Variants in ARHGEF28 observed in about 807,000 individuals in gnomAD.
The protein encoded by ARHGEF28 is Rho guanine nucleotide exchange factor 28.
A neutral mutation model predicts 206.6 loss-of-function variants in ARHGEF28; 152 were observed. The observed-to-expected ratio is 0.74, with a 90% CI of 0.64 to 0.84. The LOEUF is 0.84. Among genes scored for constraint, ARHGEF28 ranks in the 40% least tolerant of loss-of-function variants. ARHGEF28 has a pLI of 0.00. For missense variants in ARHGEF28, 2,028 were observed against 2,073.2 expected (o/e 0.98, Z 0.42); for synonymous variants, 763 against 776.4 (o/e 0.98, Z 0.29).
At chr5:73,739,200 A>G (rs1375249552) in intron 2 of ARHGEF28, among the ~76,000 whole-genome samples, 1 of 152,202 alleles carries the variant, frequency 6.6e-6, no homozygotes, top group Non-Finnish European at 1.5e-5. Context: ...ATTATTATAA[A>G]TGTGTTCTTT....
chr5:73,673,029 G>A (rs1703302125), intron 1 of ARHGEF28, among the ~76,000 whole-genome samples: 1 of 152,134 alleles, frequency 6.6e-6, no homozygotes. Flanking sequence ...TCCCCACTGA[G>A]TTTACCAAAT....
chr5:73,917,406 C>T (rs1015739138), intron 35 of ARHGEF28, among the ~76,000 whole-genome samples: 3 of 152,230 alleles, frequency 2.0e-5, no homozygotes, highest in African/African-American at 7.2e-5. Context: ...TCATCTTTCT[C>T]ATCGACAAGT....
chr5:73,743,617 T>G (rs919594468), intron 2 of ARHGEF28, among the ~76,000 whole-genome samples: 1 of 152,228 alleles, frequency 6.6e-6, no homozygotes, highest in South Asian at 2.1e-4. Context: ...AATCTTGATA[T>G]TTCAAATTAT....
At chr5:73,684,745 C>G in intron 1 of ARHGEF28, 96 bp from the exon 2 acceptor site, 1 of 996,716 alleles carries the variant, frequency 1.0e-6, no homozygotes, top group Admixed American at 2.7e-5. Context: ...AATGAGTTTG[C>G]TTCTCCCTCC....
At chr5:73,890,383 A>G (rs1761553005) in intron 26 of ARHGEF28, among the ~76,000 whole-genome samples, 1 of 152,208 alleles carries the variant, frequency 6.6e-6, no homozygotes, top group Admixed American at 6.5e-5. Context: ...TGAGGAAGCT[A>G]TAAAGTACAT....
At chr5:73,788,109 A>G (rs1204247421) in intron 7 of ARHGEF28, among the ~76,000 whole-genome samples, 1 of 151,818 alleles carries the variant, frequency 6.6e-6, no homozygotes, top group Non-Finnish European at 1.5e-5. Flanking sequence ...GCTGAGTCAG[A>G]TAAGCAGCCT....
At chr5:73,809,001 C>T (rs1341390096) in intron 9 of ARHGEF28, among the ~76,000 whole-genome samples, 1 of 152,122 alleles carries the variant, frequency 6.6e-6, no homozygotes, top group Non-Finnish European at 1.5e-5. Context: ...CCTGTAATCC[C>T]AGCACTTTGG....
intron 16 of ARHGEF28, among the ~76,000 whole-genome samples, chr5:73,860,055 A>T (rs72772533): frequency 6.6e-6 from 1 of 152,248 alleles, no homozygotes; most frequent in South Asian, 2.1e-4. Context: ...CCAGGTCGAC[A>T]TCTCTCCTTT....
intron 1 of ARHGEF28, among the ~76,000 whole-genome samples, chr5:73,667,743 C>G (rs1462190946): frequency 3.3e-5 from 5 of 152,146 alleles, no homozygotes; most frequent in African/African-American, 4.8e-5. Flanking sequence ...ATTGCCTTCT[C>G]TCATTTTATT....
intron 1 of ARHGEF28, among the ~76,000 whole-genome samples, chr5:73,665,800 G>A (rs1037211561): frequency 6.6e-6 from 1 of 152,070 alleles, no homozygotes; most frequent in African/African-American, 2.4e-5. Flanking sequence ...CTGTTGCATT[G>A]GGGATTAAGT....
rs10079540 is a variant in ARHGEF28, at chr5:73,860,468, C to T, written c.2047+2249C>T. Among the ~76,000 whole-genome samples the T allele has an allele frequency of 2.2e-3, 336 of 152,252 alleles. 2 individuals carry two copies. The highest frequency in any genetic ancestry group is 0.016 in the South Asian group (77 of 4,822). On this transcript the variant is annotated intron_variant, in intron 16 of 35. Transcript: ENST00000513042. Reference sequence around the variant, plus strand: ...CGAAACCCAGTGTGTCTAAAACCGACCTCAAAGTCCACGCCCAGCAGGACA... The same window carrying T: ...CGAAACCCAGTGTGTCTAAAACCGATCTCAAAGTCCACGCCCAGCAGGACA...
intron 35 of ARHGEF28, chr5:73,922,962 T>G (rs1763598812): frequency 1.2e-6 from 1 of 858,428 alleles, no homozygotes; most frequent in Non-Finnish European, 1.8e-6. Context: ...AATACCAAGT[T>G]TTGCAAATGC....
At chr5:73,805,607 G>T (rs1330994530) in intron 9 of ARHGEF28, among the ~76,000 whole-genome samples, 1 of 152,182 alleles carries the variant, frequency 6.6e-6, no homozygotes, top group Non-Finnish European at 1.5e-5. Context: ...GCTAGTAGCT[G>T]CCACGTTTCT....
chr5:73,661,479 C>T (rs1351646172), intron 1 of ARHGEF28, among the ~76,000 whole-genome samples: 2 of 152,134 alleles, frequency 1.3e-5, no homozygotes, highest in East Asian at 3.9e-4. Context: ...TTTTCCTTCA[C>T]ATTCACACCT....
At chr5:73,729,912 A>C (rs560155147) in intron 2 of ARHGEF28, among the ~76,000 whole-genome samples, 22 of 152,332 alleles carry the variant, frequency 1.4e-4, no homozygotes, top group African/African-American at 5.3e-4. Flanking sequence ...CCTGAATTCG[A>C]GTCCCAGCTG....
chr5:73,683,472 G>A (rs1368149341), intron 1 of ARHGEF28, among the ~76,000 whole-genome samples: 1 of 151,770 alleles, frequency 6.6e-6, no homozygotes, highest in African/African-American at 2.4e-5. Context: ...TTTCCTTTCT[G>A]TCTGAGTTCT....
At chr5:73,827,281 T>A (rs1169626799) in intron 9 of ARHGEF28, among the ~76,000 whole-genome samples, 1 of 152,178 alleles carries the variant, frequency 6.6e-6, no homozygotes, top group African/African-American at 2.4e-5. Flanking sequence ...GCAAATGGAA[T>A]GTTTTGTGCA....
At chr5:73,743,969 A>G (rs546482466) in intron 2 of ARHGEF28, among the ~76,000 whole-genome samples, 3 of 152,142 alleles carry the variant, frequency 2.0e-5, no homozygotes, top group Non-Finnish European at 4.4e-5. Context: ...AGAAAGATGT[A>G]GATTTATTTC....
chr5:73,898,040 C>G lies in ARHGEF28; in HGVS notation c.3920C>G (p.Ser1307Cys). ...TCATGTGAGGACAGTTGTGGAGACT[C>G]TGTCTTGGCGGACACACTCAGTTCT... ...SQSCEDSCGD[S>C]VLADTLSSHD... The change falls in exon 30 of 36, where the codon TCT (serine) becomes TGT (cysteine). Residue 1307 changes from serine (S) to cysteine (C), a missense_variant. Ser to Cys is a moderately radical substitution (Grantham distance 112). Transcript: ENST00000513042. 6.2e-7 allele frequency: 1 copy of G among 1,610,914 alleles called. No homozygotes were observed.
Sources: gnomAD v4.1 joint callset for allele counts (sites outside exome capture counted in the v4.1 genomes callset) on GRCh38, gnomAD v4.1.1 for gene constraint, MANE v1.5 for transcripts, NCBI Gene and HGNC (gene_info 2026-07-23, HGNC 2026-07-21) for gene names.